TBCK: variants seen among roughly 807,000 people sequenced by gnomAD.
The protein encoded by TBCK is TBC domain-containing protein kinase-like protein.
TBCK carries 99 observed loss-of-function variants against 113.4 expected under a neutral mutation model. The observed-to-expected ratio is 0.87, with a 90% confidence interval of 0.74 to 1.03. The LOEUF (loss-of-function observed/expected upper bound fraction) is 1.03, where lower values mean the gene tolerates loss of function less well. Among genes scored for constraint, TBCK ranks in the 50% least tolerant of loss-of-function variants. The pLI, the probability that TBCK is intolerant of heterozygous loss-of-function variation, is 0.00. For synonymous variants in TBCK, 369 were observed against 370.8 expected (o/e 1.00, Z 0.05); for missense variants, 1,045 against 1,061.3 (o/e 0.98, Z 0.21).
chr4:106,099,890 T>C (rs920944750), intron 24 of TBCK, among the ~76,000 whole-genome samples: 2 of 152,178 alleles, frequency 1.3e-5, no homozygotes, highest in African/African-American at 2.4e-5. Flanking sequence ...TATTGTATCC[T>C]TTCTGAGAAA....
intron 25 of TBCK, among the ~76,000 whole-genome samples, chr4:106,061,049 A>G (rs1735982936): frequency 6.6e-6 from 1 of 151,862 alleles, no homozygotes; most frequent in African/African-American, 2.4e-5. Context: ...TGTGCAAAAA[A>G]AAAAGTGTTT....
At chr4:106,133,376 C>A (rs1401351655) in intron 23 of TBCK, among the ~76,000 whole-genome samples, 1 of 152,156 alleles carries the variant, frequency 6.6e-6, no homozygotes, top group Non-Finnish European at 1.5e-5. Flanking sequence ...GCCTTCCCAG[C>A]AAATGGAACT....
intron 3 of TBCK, among the ~76,000 whole-genome samples, chr4:106,283,490 T>A (rs957737290): frequency 6.6e-6 from 1 of 152,112 alleles, no homozygotes; most frequent in African/African-American, 2.4e-5. Flanking sequence ...CTTGAAGAAG[T>A]GCTGTACATT....
chr4:106,308,093 G>T (rs1579588276), intron 2 of TBCK, among the ~76,000 whole-genome samples: 1 of 152,026 alleles, frequency 6.6e-6, no homozygotes, highest in Non-Finnish European at 1.5e-5. Context: ...CCTTCATATA[G>T]ATAAAGAAAT....
intron 3 of TBCK, among the ~76,000 whole-genome samples, chr4:106,292,119 G>A (rs1478115315): frequency 6.6e-6 from 1 of 152,150 alleles, no homozygotes; most frequent in Non-Finnish European, 1.5e-5. Flanking sequence ...CACCATGACT[G>A]GACGGCTTTC....
At chr4:106,086,534 A>G (rs1739537005) in intron 25 of TBCK, among the ~76,000 whole-genome samples, 1 of 152,236 alleles carries the variant, frequency 6.6e-6, no homozygotes, top group Admixed American at 6.5e-5. Context: ...TCCTTCTGAA[A>G]CTATTCCAGA....
At chr4:106,178,131 T>C (rs1751905741) in intron 22 of TBCK, among the ~76,000 whole-genome samples, 1 of 152,046 alleles carries the variant, frequency 6.6e-6, no homozygotes, top group Non-Finnish European at 1.5e-5. Flanking sequence ...GATTGTTCAC[T>C]GTTGGTTTAA....
intron 25 of TBCK, among the ~76,000 whole-genome samples, chr4:106,049,499 C>T (rs142546691): frequency 3.0e-4 from 45 of 151,970 alleles, no homozygotes; most frequent in African/African-American, 1.1e-3. Context: ...TATAGCTTGA[C>T]AGGTTAGGGA....
intron 25 of TBCK, among the ~76,000 whole-genome samples, chr4:106,072,381 C>A (rs1262319311): frequency 6.6e-6 from 1 of 152,110 alleles, no homozygotes; most frequent in Admixed American, 6.5e-5. Flanking sequence ...ATATGAAATT[C>A]TGGGTTGAAA....
chr4:106,106,560 A>G (rs1742186454), intron 24 of TBCK, among the ~76,000 whole-genome samples: 1 of 152,250 alleles, frequency 6.6e-6, no homozygotes, highest in Non-Finnish European at 1.5e-5. Context: ...CTCTAAGTGA[A>G]GAAGAAATAA....
chr4:106,219,295 C>T (rs1385644867), intron 19 of TBCK, among the ~76,000 whole-genome samples: 1 of 151,192 alleles, frequency 6.6e-6, no homozygotes, highest in Non-Finnish European at 1.5e-5. Flanking sequence ...GGGTGCAGCA[C>T]ACCAGCATGG....
At chr4:106,189,374 C>T (rs1753407409) in intron 22 of TBCK, among the ~76,000 whole-genome samples, 1 of 148,906 alleles carries the variant, frequency 6.7e-6, no homozygotes, top group African/African-American at 2.5e-5. Context: ...AATAGACATG[C>T]ATGACATGCA....
chr4:106,258,998 T>C (rs966195690), intron 5 of TBCK, among the ~76,000 whole-genome samples: 2 of 151,976 alleles, frequency 1.3e-5, no homozygotes, highest in African/African-American at 4.8e-5. Flanking sequence ...CGAATTTATG[T>C]ACCTTAATAA....
intron 23 of TBCK, among the ~76,000 whole-genome samples, chr4:106,145,173 C>T (rs1446908096): frequency 6.6e-6 from 1 of 151,902 alleles, no homozygotes; most frequent in Non-Finnish European, 1.5e-5. Context: ...CAAAAATTAG[C>T]TGGGAGTGGT....
intron 22 of TBCK, among the ~76,000 whole-genome samples, chr4:106,185,335 G>C (rs1004056831): frequency 2.6e-5 from 4 of 151,844 alleles, no homozygotes; most frequent in Admixed American, 2.6e-4. Context: ...TATGTGTGTG[G>C]TAAGAACACA....
At chr4:106,232,800 C>T in intron 17 of TBCK, 138 bp downstream of exon 17, 1 of 758,246 alleles carries the variant, frequency 1.3e-6, no homozygotes, top group East Asian at 2.9e-5. Flanking sequence ...GGATGTAAAC[C>T]TCTCAAAAAA....
Position 106,095,481 on chromosome 4 carries a change from C to T in TBCK, c.2571+1G>A. On this transcript the variant is annotated splice_donor_variant, in intron 25 of 25. Transcript: ENST00000394708. LOFTEE classifies it high-confidence loss of function. Reference sequence around the variant, plus strand: ...CATATGACATTTCTGAATATACTTACCTCAGCTGTGTGTTTTGCCACATGC... The same window carrying T: ...CATATGACATTTCTGAATATACTTATCTCAGCTGTGTGTTTTGCCACATGC... 1 of 1,613,136 alleles carries T rather than the reference C, an allele frequency of 6.2e-7. No homozygotes were observed. Among genetic ancestry groups the T allele is most frequent in the Non-Finnish European group, 8.5e-7 (1 of 1,179,510 alleles).
intron 3 of TBCK, among the ~76,000 whole-genome samples, chr4:106,277,734 T>C (rs1003145928): frequency 6.6e-6 from 1 of 152,162 alleles, no homozygotes; most frequent in Non-Finnish European, 1.5e-5. Flanking sequence ...TGAGGAAAAT[T>C]TCTCAGATAA....
chr4:106,100,064 C>T (rs1016838221), intron 24 of TBCK, among the ~76,000 whole-genome samples: 1 of 152,100 alleles, frequency 6.6e-6, no homozygotes, highest in Non-Finnish European at 1.5e-5. Flanking sequence ...CTCATTTTTG[C>T]GCATTCAAAC....
Sources: gnomAD v4.1 joint callset for allele counts (sites outside exome capture counted in the v4.1 genomes callset) on GRCh38, gnomAD v4.1.1 for gene constraint, MANE v1.5 for transcripts, NCBI Gene and HGNC (gene_info 2026-07-23, HGNC 2026-07-21) for gene names.